The following CLCN3 variants were observed in gnomAD, a reference collection of about 807,000 sequenced individuals.
CLCN3 encodes the protein Cl-/H+ antiporter 3.
A neutral mutation model predicts 83.4 loss-of-function variants in CLCN3; 16 were observed. The observed-to-expected ratio is 0.19, with a 90% CI of 0.13 to 0.29. The LOEUF (loss-of-function observed/expected upper bound fraction) is 0.29, where lower values mean the gene tolerates loss of function less well. Among genes scored for constraint, CLCN3 ranks in the 10% least tolerant of loss-of-function variants. The pLI is 1.00. For missense variants in CLCN3, 544 were observed against 1,006.0 expected (o/e 0.54, Z 6.21); for synonymous variants, 322 against 346.2 (o/e 0.93, Z 0.78).
At chr4:169,709,658 G>A (rs369057183) in intron 11 of CLCN3, among the ~76,000 whole-genome samples, 57 of 149,026 alleles carry the variant, frequency 3.8e-4, no homozygotes, top group Middle Eastern at 3.5e-3. Flanking sequence ...CAGCCTGGGC[G>A]AAGAGCAAAA....
At position 169,700,701 on chromosome 4, in the gene CLCN3, T is replaced by C. The variant is rs187752746; in HGVS notation, c.1563+2967T>C. The stretch of plus-strand genomic sequence containing the variant: ...ACTTACCTGAGAGATATAGGTTCAG[T>C]TCAGAGCACCACAATAAAGTGAATA... On this transcript the variant is annotated intron_variant, in intron 9 of 12. Transcript: ENST00000513761. Among the ~76,000 whole-genome samples the C allele has an allele frequency of 4.6e-5, 7 of 152,312 alleles. No homozygotes were observed. The East Asian group carries it at 1.3e-3, about 29-fold the overall frequency.
intron 3 of CLCN3, among the ~76,000 whole-genome samples, chr4:169,683,912 T>G (rs115619306): frequency 0.051 from 7,692 of 152,218 alleles, 282 homozygotes; most frequent in Admixed American, 0.095. Flanking sequence ...CTGGCTAATT[T>G]TTGTAGTTTA....
At chr4:169,710,784 A>G (rs1733183138) in intron 11 of CLCN3, among the ~76,000 whole-genome samples, 2 of 152,190 alleles carry the variant, frequency 1.3e-5, no homozygotes, top group Admixed American at 1.3e-4. Flanking sequence ...GTTAGTTTTA[A>G]TTCAGAATGT....
chr4:169,650,201 T>G (rs1228437324), intron 2 of CLCN3, among the ~76,000 whole-genome samples: 1 of 152,240 alleles, frequency 6.6e-6, no homozygotes, highest in African/African-American at 2.4e-5. Flanking sequence ...TTGTTTGATA[T>G]TAACTGCTGG....
At chr4:169,658,562 A>G (rs1385863893) in intron 2 of CLCN3, among the ~76,000 whole-genome samples, 1 of 152,134 alleles carries the variant, frequency 6.6e-6, no homozygotes, top group African/African-American at 2.4e-5. Context: ...TATGGTGGTA[A>G]AACATATAAA....
At chr4:169,652,608 G>GTACT (rs909464593) in intron 2 of CLCN3, among the ~76,000 whole-genome samples, 4 of 152,180 alleles carry the variant, frequency 2.6e-5, no homozygotes, top group Non-Finnish European at 5.9e-5. Flanking sequence ...TATTATGCAT[G>GTACT]TACTTGTGTG....
At chr4:169,708,305 A>G (rs1733069012) in intron 11 of CLCN3, among the ~76,000 whole-genome samples, 1 of 152,226 alleles carries the variant, frequency 6.6e-6, no homozygotes, top group African/African-American at 2.4e-5. Context: ...ACCATTAAGC[A>G]GAGAGAGAAA....
At chr4:169,646,968 G>C (rs1346477746) in intron 2 of CLCN3, among the ~76,000 whole-genome samples, 4 of 152,198 alleles carry the variant, frequency 2.6e-5, no homozygotes, top group Non-Finnish European at 5.9e-5. Context: ...TATTATATGT[G>C]AGAGTCCTTT....
At chr4:169,710,888 T>C (rs1733187212) in intron 11 of CLCN3, among the ~76,000 whole-genome samples, 1 of 152,132 alleles carries the variant, frequency 6.6e-6, no homozygotes, top group Non-Finnish European at 1.5e-5. Flanking sequence ...AGAGATGAGG[T>C]CTTCTATGTT....
intron 2 of CLCN3, among the ~76,000 whole-genome samples, chr4:169,650,537 G>C (rs1730702810): frequency 6.6e-6 from 1 of 152,204 alleles, no homozygotes. Context: ...AGTTTAGAAA[G>C]TATAGAATGG....
rs772530201 is a variant in CLCN3, at chr4:169,719,945, G to A, written c.2405G>A (p.Arg802Gln). The change falls in exon 13 of 13, where the codon CGG becomes CAG. Residue 802 changes from arginine (R) to glutamine (Q), a missense_variant. Arg to Gln is a conservative substitution (Grantham distance 43). Transcript: ENST00000513761. ...ATTATAACAAAAAAAGATATCCTCC[G>A]GCATATGGCCCAGACGGCAAACCAA... ...LGIITKKDIL[R>Q]HMAQTANQDP... The A allele has an allele frequency of 1.2e-6, 2 of 1,613,376 alleles. No homozygotes were observed. The highest frequency in any genetic ancestry group is 1.1e-5 in the South Asian group (1 of 90,996).
intron 2 of CLCN3, among the ~76,000 whole-genome samples, 175 bp from the exon 3 acceptor site, chr4:169,679,875 G>A (rs1452158852): frequency 8.2e-6 from 1 of 121,566 alleles, no homozygotes; most frequent in Non-Finnish European, 1.9e-5. Flanking sequence ...GGAGACCGTG[G>A]AAGGCGGGAG....
intron 1 of CLCN3, among the ~76,000 whole-genome samples, chr4:169,628,677 G>T (rs1376341977): frequency 6.6e-6 from 1 of 152,176 alleles, no homozygotes; most frequent in African/African-American, 2.4e-5. Flanking sequence ...CAAGAAACTG[G>T]ATCACTCATA....
intron 2 of CLCN3, among the ~76,000 whole-genome samples, chr4:169,670,414 T>A (rs1228176162): frequency 6.6e-6 from 1 of 152,198 alleles, no homozygotes; most frequent in Non-Finnish European, 1.5e-5. Flanking sequence ...TTGCTGAAGA[T>A]CAGATGATTG....
At chr4:169,684,150 C>T (rs572127871) in intron 3 of CLCN3, among the ~76,000 whole-genome samples, 4 of 152,152 alleles carry the variant, frequency 2.6e-5, no homozygotes, top group Non-Finnish European at 4.4e-5. Context: ...CAGATTATTT[C>T]GAAGCAAATT....
intron 1 of CLCN3, among the ~76,000 whole-genome samples, chr4:169,624,508 A>G (rs948462120): frequency 1.3e-5 from 2 of 152,132 alleles, no homozygotes; most frequent in Non-Finnish European, 2.9e-5. Context: ...ACCTCATGTG[A>G]TCTGCCCACC....
chr4:169,656,670 G>T (rs1730897190), intron 2 of CLCN3, among the ~76,000 whole-genome samples: 1 of 152,212 alleles, frequency 6.6e-6, no homozygotes, highest in Non-Finnish European at 1.5e-5. Context: ...TTTATCTCAT[G>T]TAAGTGGTTT....
intron 11 of CLCN3, among the ~76,000 whole-genome samples, chr4:169,712,431 C>T (rs1314027157): frequency 2.0e-5 from 3 of 151,902 alleles, no homozygotes; most frequent in Non-Finnish European, 4.4e-5. Flanking sequence ...GAACTTGAAG[C>T]AGAGCACACT....
chr4:169,675,248 G>A (rs2150233221), intron 2 of CLCN3, among the ~76,000 whole-genome samples: 1 of 152,272 alleles, frequency 6.6e-6, no homozygotes, highest in Admixed American at 6.5e-5. Flanking sequence ...AATAGTATTG[G>A]CATCGTGGTT....
Sources: allele counts gnomAD v4.1 joint callset (sites outside exome capture counted in the v4.1 genomes callset), GRCh38; gene constraint gnomAD v4.1.1; transcripts MANE v1.5; gene names NCBI Gene and HGNC (gene_info 2026-07-23, HGNC 2026-07-21).